Variants in PATZ1 observed in about 807,000 individuals in gnomAD.
PATZ1 encodes the protein POZ/BTB and AT hook containing zinc finger 1.
In PATZ1, 9 loss-of-function variants were observed where a neutral mutation model predicts 46.2. That is an observed-to-expected ratio of 0.19 (90% confidence interval 0.12 to 0.34). The LOEUF (loss-of-function observed/expected upper bound fraction) is 0.34, where lower values mean the gene tolerates loss of function less well. PATZ1 is among the 10% of genes least tolerant of loss of function. The pLI, the probability that PATZ1 is intolerant of heterozygous loss-of-function variation, is 1.00. For synonymous variants in PATZ1, 426 were observed against 378.6 expected (o/e 1.13, Z -1.45); for missense variants, 632 against 923.0 (o/e 0.68, Z 4.08).
intron 3 of PATZ1, among the ~76,000 whole-genome samples, chr22:31,333,280 C>G (rs759186667): frequency 3.3e-5 from 5 of 152,160 alleles, no homozygotes; most frequent in African/African-American, 4.8e-5. Flanking sequence ...GGAAGTTCAC[C>G]TGATTCAATC....
At position 31,344,451 on chromosome 22, in the gene PATZ1, G is replaced by A. The variant is rs759694484; in HGVS notation, c.1152C>T (p.Ser384=). The part of the protein sequence containing the change: ...KLSHSGEKPY[S]CPVCGLRFKR... The stretch of plus-strand genomic sequence containing the variant: ...TGAACCGCAACCCACACACAGGGCA[G>A]GAGTAGGGCTTCTCCCCAGAGTGGG... Residue 384 remains serine (S), a synonymous_variant, in exon 1 of 5, where the codon TCC becomes TCT. Coordinates refer to ENST00000266269, the MANE Select transcript of PATZ1 (RefSeq NM_014323.3). 14 of 1,614,132 alleles carry A rather than the reference G, an allele frequency of 8.7e-6. No individual in the cohort carries two copies. Among genetic ancestry groups the A allele is most frequent in the Non-Finnish European group, 1.1e-5 (13 of 1,180,048 alleles).
chr22:31,341,608 G>T (rs745711896), intron 2 of PATZ1: 1 of 1,614,154 alleles, frequency 6.2e-7, no homozygotes, highest in Non-Finnish European at 8.5e-7. Flanking sequence ...AAAGCAGGCT[G>T]GGCAAAGTCC....
At chr22:31,331,971 G>A (rs369438472) in intron 3 of PATZ1, among the ~76,000 whole-genome samples, 5 of 152,098 alleles carry the variant, frequency 3.3e-5, no homozygotes, top group African/African-American at 4.8e-5. Context: ...TTAGCCGGGC[G>A]TGGTGGTGCA....
chr22:31,342,989 T>C (rs1458503191), intron 1 of PATZ1, 29 bp from the exon 2 acceptor site: 5 of 1,613,536 alleles, frequency 3.1e-6, no homozygotes, highest in South Asian at 1.1e-5. Flanking sequence ...AGAGGGACTT[T>C]AGAAACTTGG....
At chr22:31,343,234 C>CA (rs2049605491) in intron 1 of PATZ1, 4 of 1,207,084 alleles carry the variant, frequency 3.3e-6, no homozygotes, top group South Asian at 4.2e-5. Context: ...ACCAGAAACT[C>CA]AGTGTTTTCT....
At chr22:31,342,801 C>A in intron 2 of PATZ1, 96 bp downstream of exon 2, 1 of 1,380,644 alleles carries the variant, frequency 7.2e-7, no homozygotes. Context: ...GGGCGGTCAG[C>A]CGGGCCCCCG....
At position 31,327,317 on chromosome 22, in the gene PATZ1, A is replaced by G. The variant is rs757279934; in HGVS notation, c.1646-8T>C. On this transcript the variant is annotated splice_region_variant and splice_polypyrimidine_tract_variant and intron_variant, in intron 4 of 4. Coordinates refer to ENST00000266269, the MANE Select transcript of PATZ1 (RefSeq NM_014323.3). This position sits in a 1 kb window ranked among gnomAD's most constrained non-coding sequence, Gnocchi z 4.2. ...GTGAGCATTTCTGGCCTTCTACGAA[A>G]AAACAAAATATAGGAGAGCGATGAG... The G allele has an allele frequency of 3.7e-5, 60 of 1,610,730 alleles. No individual in the cohort carries two copies. The East Asian group carries it at 8.9e-4, about 24-fold the overall frequency.
chr22:31,344,855 G>C lies in PATZ1; in HGVS notation c.748C>G (p.Pro250Ala). The C allele has an allele frequency of 6.2e-7, 1 of 1,612,858 alleles. No homozygotes were observed. Among genetic ancestry groups the C allele is most frequent in the South Asian group, 1.1e-5 (1 of 91,082 alleles). The change falls in exon 1 of 5, where the codon CCA becomes GCA. Residue 250 changes from proline to alanine, a missense_variant. Physicochemically the swap from Pro to Ala is conservative, Grantham distance 27. This residue lies in a region of PATZ1 where 279 missense variants were observed against 284.3 expected (regional missense o/e 0.98). Coordinates refer to ENST00000266269, the MANE Select transcript of PATZ1 (RefSeq NM_014323.3). ...GPLSPQLLTS[P>A]FPSVASSAPP... ...GCACTGGATGCCACACTGGGGAATG[G>C]GGAAGTCAGCAGTTGGGGGGATAGG...
rs540311350 is a variant in PATZ1, at chr22:31,345,721, G to A, written c.-119C>T. 1 of 1,040,100 alleles carries A rather than the reference G, an allele frequency of 9.6e-7. No homozygotes were observed. The highest frequency in any genetic ancestry group is 1.6e-5 in the African/African-American group (1 of 61,656). The allele number at this position is 1,040,100 out of a possible 1,614,324, so 64.4% of individuals were successfully genotyped here. On this transcript the variant is annotated 5_prime_UTR_variant, in exon 1 of 5. Transcript: ENST00000266269. The surrounding 1 kb of genome is among the most constrained non-coding windows in gnomAD (Gnocchi z 7.4). ...ACACTCCCCACACGTGCCGGCCCGA[G>A]GCTCTGTAGTCTCGCAGGTGCGCCG...
intron 1 of PATZ1, 44 bp from the exon 2 acceptor site, chr22:31,343,004 A>ACC: frequency 6.2e-7 from 1 of 1,612,668 alleles, no homozygotes; most frequent in Non-Finnish European, 8.5e-7. Context: ...ACTTGGCCAG[A>ACC]CCCCACCACA....
At chr22:31,341,435 G>A (rs2049579819) in intron 2 of PATZ1, 2 of 1,581,700 alleles carry the variant, frequency 1.3e-6, no homozygotes, top group African/African-American at 1.3e-5. Context: ...TAAAGGCCCT[G>A]CTGCCCTCTG....
In PATZ1 at chr22:31,328,924, CCT is replaced by C; in HGVS notation, c.1508-2_1508-1del. On this transcript the variant is annotated splice_acceptor_variant, in intron 3 of 4. Transcript: ENST00000266269. LOFTEE classifies it high-confidence loss of function. The surrounding 1 kb of genome is among the most constrained non-coding windows in gnomAD (Gnocchi z 4.8). Reference sequence around the variant, plus strand: ...CTTTAAGTAGGAGGCAGAGGAGAAACCTAAACAAGACAAAAGGAGATGAGATC... The same window carrying C: ...CTTTAAGTAGGAGGCAGAGGAGAAACAAACAAGACAAAAGGAGATGAGATC... 6.2e-7 allele frequency: 1 copy of C among 1,612,730 alleles called. No homozygotes were observed. The highest frequency in any genetic ancestry group is 8.5e-7 in the Non-Finnish European group (1 of 1,179,278).
In PATZ1 at chr22:31,326,894, T is replaced by C. The variant is rs979502195; in HGVS notation, c.2061A>G (p.Lys687=). The change falls in exon 5 of 5, where the codon AAA becomes AAG. Residue 687 remains lysine (K), a synonymous_variant. Transcript: ENST00000266269. ...CCGTGGGGACACAGCAGCTGCCTCA[T>C]TTCCCTTCAGGCCCCATGGGCTGCT... ...VDQQPMGPEG[K] is the part of the protein sequence containing the mutation. 2 of 1,608,928 alleles carry C rather than the reference T, an allele frequency of 1.2e-6. No individual in the cohort carries two copies. The highest frequency in any genetic ancestry group is 2.7e-5 in the African/African-American group (2 of 74,668).
intron 2 of PATZ1, among the ~76,000 whole-genome samples, chr22:31,336,345 G>A (rs772460130): frequency 3.3e-5 from 5 of 152,196 alleles, no homozygotes; most frequent in Non-Finnish European, 5.9e-5. Flanking sequence ...TTATTCAAAA[G>A]TGACATTAGT....
chr22:31,328,911 G>A lies in PATZ1; in HGVS notation c.1521C>T (p.Ala507=). 1 of 1,613,842 alleles carries A rather than the reference G, an allele frequency of 6.2e-7. No individual in the cohort carries two copies. Among genetic ancestry groups the A allele is most frequent in the Non-Finnish European group, 8.5e-7 (1 of 1,179,850 alleles). Residue 507 remains alanine, a synonymous_variant, in exon 4 of 5, where the codon GCC becomes GCT. Transcript: ENST00000266269. This position sits in a 1 kb window ranked among gnomAD's most constrained non-coding sequence, Gnocchi z 4.8. ...CSICNRGFSS[A]SYLKVHVKTH... is the part of the protein sequence containing the mutation. ...TTTTAACATGGACCTTTAAGTAGGA[G>A]GCAGAGGAGAAACCTAAACAAGACA...
chr22:31,335,940 G>A, intron 2 of PATZ1, 77 bp from the exon 3 acceptor site: 9 of 1,240,386 alleles, frequency 7.3e-6, no homozygotes, highest in Admixed American at 2.1e-5. Flanking sequence ...GCACCATGAA[G>A]CAAAGGCAAT....
At chr22:31,334,101 T>A (rs966225113) in intron 3 of PATZ1, among the ~76,000 whole-genome samples, 2 of 152,236 alleles carry the variant, frequency 1.3e-5, no homozygotes, top group Non-Finnish European at 2.9e-5. Context: ...AAATGCCTGC[T>A]AACAGCTTGT....
chr22:31,334,511 T>C (rs2049483988), intron 3 of PATZ1, among the ~76,000 whole-genome samples: 1 of 152,092 alleles, frequency 6.6e-6, no homozygotes, highest in African/African-American at 2.4e-5. Flanking sequence ...CACCCAACGA[T>C]TCCGCCAAGG....
Position 31,345,724 on chromosome 22 carries a change from TC to T in PATZ1, c.-123del, listed in dbSNP as rs2049646704. On this transcript the variant is annotated 5_prime_UTR_variant, in exon 1 of 5. Coordinates refer to ENST00000266269, the MANE Select transcript of PATZ1 (RefSeq NM_014323.3). This position sits in a 1 kb window ranked among gnomAD's most constrained non-coding sequence, Gnocchi z 7.4. ...CTCCCCACACGTGCCGGCCCGAGGC[TC>T]TGTAGTCTCGCAGGTGCGCCGAGTG... is the stretch of plus-strand genomic sequence containing the variant. 3.0e-6 allele frequency: 3 copies of T among 1,014,626 alleles called. No individual in the cohort carries two copies. Among genetic ancestry groups the T allele is most frequent in the Non-Finnish European group, 4.2e-6 (3 of 719,840 alleles). 62.9% of individuals were successfully genotyped at this position (1,014,626 alleles called of 1,614,324 possible).
Sources: gnomAD v4.1 joint callset for allele counts (sites outside exome capture counted in the v4.1 genomes callset) on GRCh38, gnomAD v4.1.1 for gene constraint, gnomAD v4.1.1 regional missense constraint, Gnocchi (gnomAD v3.1) non-coding constraint, MANE v1.5 for transcripts, NCBI Gene and HGNC (gene_info 2026-07-23, HGNC 2026-07-21) for gene names.